GMDS: variants seen among roughly 807,000 people sequenced by gnomAD.
The protein encoded by GMDS is GDP-mannose 4,6-dehydratase.
A neutral mutation model predicts 49.9 loss-of-function variants in GMDS; 20 were observed. The observed-to-expected ratio is 0.40, with a 90% CI of 0.28 to 0.58. The LOEUF is 0.58. Ranked by LOEUF, GMDS falls within the 20% of genes least tolerant of loss-of-function variation. GMDS has a pLI of 0.42. For missense variants in GMDS, 362 were observed against 481.4 expected (o/e 0.75, Z 2.32); for synonymous variants, 177 against 178.6 (o/e 0.99, Z 0.07).
At chr6:2,205,019 C>G (rs1447219530) in intron 1 of GMDS, among the ~76,000 whole-genome samples, 2 of 152,106 alleles carry the variant, frequency 1.3e-5, no homozygotes, top group Non-Finnish European at 2.9e-5. Context: ...TTTTTTACGT[C>G]TAAAGTTTTA....
rs530809365 is a variant in GMDS, at chr6:1,942,611, A to T, written c.644-12381T>A. Among the ~76,000 whole-genome samples, 130 of 152,310 alleles carry T rather than the reference A, an allele frequency of 8.5e-4. 1 individual carries two copies. In the South Asian group the frequency reaches 0.02, roughly 23 times the overall value. On this transcript the variant is annotated intron_variant, in intron 6 of 10. Coordinates refer to ENST00000380815, the MANE Select transcript of GMDS (RefSeq NM_001500.4). ...AGTGGCAAGACTGAAAGGGGCAGTG[A>T]TCCTAGTTCTAGTTTCATAGAAAAA...
intron 2 of GMDS, among the ~76,000 whole-genome samples, chr6:2,118,833 G>A (rs1774988707): frequency 6.6e-6 from 1 of 152,102 alleles, no homozygotes; most frequent in Non-Finnish European, 1.5e-5. Flanking sequence ...TTGAGATTTG[G>A]CTATACATAT....
intron 7 of GMDS, among the ~76,000 whole-genome samples, chr6:1,837,363 C>A (rs574284114): frequency 2.6e-5 from 4 of 152,284 alleles, no homozygotes; most frequent in Admixed American, 2.6e-4. Context: ...CATAAAATTA[C>A]AGAAATGTGG....
intron 9 of GMDS, among the ~76,000 whole-genome samples, chr6:1,632,822 T>C (rs1389122562): frequency 1.2e-4 from 18 of 152,304 alleles, no homozygotes. Context: ...GAGGCTGCAG[T>C]GAGCTATGAT....
At chr6:2,058,293 C>A (rs1027654407) in intron 4 of GMDS, among the ~76,000 whole-genome samples, 2 of 137,614 alleles carry the variant, frequency 1.5e-5, no homozygotes, top group South Asian at 2.3e-4. Flanking sequence ...TGCAGTGAGC[C>A]AAGATGGCAC....
chr6:1,645,765 T>C (rs573218821), intron 9 of GMDS, among the ~76,000 whole-genome samples: 11 of 152,330 alleles, frequency 7.2e-5, no homozygotes, highest in African/African-American at 2.4e-5. Flanking sequence ...CCAGTGCCCA[T>C]GGCCACCGCA....
rs369270852 is a variant in GMDS at position 2,201,703 on chromosome 6, C to T, written c.102+43618G>A. Among the ~76,000 whole-genome samples the T allele has an allele frequency of 4.6e-4, 44 of 95,862 alleles. 1 individual carries two copies. In the South Asian group the frequency reaches 0.018, roughly 39 times the overall value. The allele number at this position is 95,862 out of a possible 152,430, so 62.9% of individuals were successfully genotyped here. A position where few individuals can be genotyped will look rare whatever the true frequency, so the allele number is the denominator to read the frequency against. The stretch of plus-strand genomic sequence containing the variant: ...GAAGAGAGAGCACCACATGGGCATC[C>T]GAGATGAAACCATCTAGGCAGTGAG... On this transcript the variant is annotated intron_variant, in intron 1 of 10. Coordinates refer to ENST00000380815, the MANE Select transcript of GMDS (RefSeq NM_001500.4).
rs188047401 is a variant in GMDS at position 1,725,424 on chromosome 6, T to G, written c.987+992A>C. Among the ~76,000 whole-genome samples, 10 of 152,272 alleles carry G rather than the reference T, an allele frequency of 6.6e-5. No individual in the cohort carries two copies. The East Asian group carries it at 1.9e-3, about 29-fold the overall frequency. On this transcript the variant is annotated intron_variant, in intron 9 of 10. Transcript: ENST00000380815. ...TTATTAAGTACCTACCTTGTTATAG[T>G]CTAGTGTAAGATTTTTTTTTTTTTG...
At chr6:2,015,936 G>A (rs1163962435) in intron 4 of GMDS, among the ~76,000 whole-genome samples, 1 of 151,718 alleles carries the variant, frequency 6.6e-6, no homozygotes, top group Non-Finnish European at 1.5e-5. Flanking sequence ...TCCTTGTTGG[G>A]AGATTTCACC....
At chr6:1,830,765 A>G (rs957705699) in intron 7 of GMDS, among the ~76,000 whole-genome samples, 25 of 152,238 alleles carry the variant, frequency 1.6e-4, no homozygotes, top group Admixed American at 6.5e-5. Flanking sequence ...AATTTATATA[A>G]AATTGAATCC....
At chr6:1,825,640 C>T (rs1242566500) in intron 7 of GMDS, among the ~76,000 whole-genome samples, 1 of 152,186 alleles carries the variant, frequency 6.6e-6, no homozygotes, top group Non-Finnish European at 1.5e-5. Flanking sequence ...ATTTAAGCAA[C>T]TATAACATGG....
rs1756943530 is a variant in GMDS at position 1,836,675 on chromosome 6, C to T, written c.771+93428G>A. On this transcript the variant is annotated intron_variant, in intron 7 of 10. Coordinates refer to ENST00000380815, the MANE Select transcript of GMDS (RefSeq NM_001500.4). The surrounding 1 kb of genome is among the most constrained non-coding windows in gnomAD (Gnocchi z 4.2). ...GCGGCTGATGAACTGGTTACATTAA[C>T]ATGTGTTTCTTCACTGAATTTCGTA... is the stretch of plus-strand genomic sequence containing the variant. Among the ~76,000 whole-genome samples, 1 of 152,162 alleles carries T rather than the reference C, an allele frequency of 6.6e-6. No homozygotes were observed. The highest frequency in any genetic ancestry group is 2.4e-5 in the African/African-American group (1 of 41,442).
intron 7 of GMDS, among the ~76,000 whole-genome samples, chr6:1,779,077 C>A (rs908298957): frequency 6.6e-6 from 1 of 152,122 alleles, no homozygotes; most frequent in Non-Finnish European, 1.5e-5. Context: ...ATGAGCTGTA[C>A]TCTGTTTAGA....
chr6:1,924,899 A>C (rs1273327203), intron 7 of GMDS, among the ~76,000 whole-genome samples: 3 of 152,164 alleles, frequency 2.0e-5, no homozygotes, highest in Admixed American at 1.3e-4. Context: ...TAAAAGTTTG[A>C]ACTGGCCGAA....
intron 7 of GMDS, among the ~76,000 whole-genome samples, chr6:1,812,386 C>T (rs903252627): frequency 2.0e-5 from 3 of 152,152 alleles, no homozygotes; most frequent in Non-Finnish European, 4.4e-5. Flanking sequence ...GGGGCCTCCA[C>T]AGTTTCGCTA....
rs552190907 is a variant in GMDS at position 1,932,600 on chromosome 6, C to T, written c.644-2370G>A. Among the ~76,000 whole-genome samples the T allele has an allele frequency of 9.4e-5, 14 of 148,592 alleles. No homozygotes were observed. In the East Asian group the frequency reaches 1.2e-3, roughly 13 times the overall value. On this transcript the variant is annotated intron_variant, in intron 6 of 10. Coordinates refer to ENST00000380815, the MANE Select transcript of GMDS (RefSeq NM_001500.4). ...TCACCCAGGCTGGAGTGCAGTGGCG[C>T]GATCTCGGCTCACTGCAAGCTCCGC...
chr6:2,088,596 CT>C (rs1199243538), intron 4 of GMDS, among the ~76,000 whole-genome samples: 1 of 152,078 alleles, frequency 6.6e-6, no homozygotes, highest in Non-Finnish European at 1.5e-5. Flanking sequence ...TCTATGCATA[CT>C]TTACTTAAAA....
intron 9 of GMDS, among the ~76,000 whole-genome samples, chr6:1,680,592 C>T (rs1057241244): frequency 6.6e-6 from 1 of 152,154 alleles, no homozygotes; most frequent in African/African-American, 2.4e-5. Context: ...GGCGCCCGGC[C>T]AGGACACGCA....
At chr6:2,079,198 T>C (rs562940487) in intron 4 of GMDS, among the ~76,000 whole-genome samples, 2 of 152,044 alleles carry the variant, frequency 1.3e-5, no homozygotes, top group South Asian at 2.1e-4. Flanking sequence ...GCAGGTAATA[T>C]ATAGCTGGAT....
Sources: gnomAD v4.1 joint callset for allele counts (sites outside exome capture counted in the v4.1 genomes callset) on GRCh38, gnomAD v4.1.1 for gene constraint, Gnocchi (gnomAD v3.1) non-coding constraint, MANE v1.5 for transcripts, NCBI Gene and HGNC (gene_info 2026-07-23, HGNC 2026-07-21) for gene names.